Variants in NELL1 observed in about 807,000 individuals in gnomAD.
NELL1 encodes protein kinase C-binding protein NELL1.
In NELL1, 76 loss-of-function variants were observed where a neutral mutation model predicts 107.4. That is an observed-to-expected ratio of 0.71 (90% CI 0.59 to 0.86). NELL1 has a LOEUF of 0.86. Ranked by LOEUF, NELL1 falls within the 40% of genes least tolerant of loss-of-function variation. The pLI is 0.00. For synonymous variants in NELL1, 353 were observed against 341.2 expected, an observed-to-expected ratio of 1.03 and a Z score of -0.38; for missense variants, 1,024 against 1,005.5, an observed-to-expected ratio of 1.02 and a Z score of -0.25.
At chr11:20,690,166 C>G (rs1202526632) in intron 2 of NELL1, among the ~76,000 whole-genome samples, 1 of 141,938 alleles carries the variant, frequency 7.0e-6, no homozygotes. Flanking sequence ...GAGTTCATTG[C>G]AGATTCTGGA....
chr11:21,445,697 C>T (rs1853408899), intron 15 of NELL1, among the ~76,000 whole-genome samples: 1 of 152,166 alleles, frequency 6.6e-6, no homozygotes, highest in African/African-American at 2.4e-5. Context: ...TTCTTTCAGA[C>T]TGAAGTACTC....
At chr11:21,099,498 C>T (rs1021914674) in intron 12 of NELL1, among the ~76,000 whole-genome samples, 21 of 152,126 alleles carry the variant, frequency 1.4e-4, no homozygotes, top group African/African-American at 3.1e-4. Context: ...CTTGAGGAGA[C>T]GCTGGCTTTC....
At chr11:21,542,074 A>G (rs989204212) in intron 16 of NELL1, among the ~76,000 whole-genome samples, 3 of 152,088 alleles carry the variant, frequency 2.0e-5, no homozygotes, top group African/African-American at 7.2e-5. Flanking sequence ...AATAGATGTT[A>G]TTTTCATTAA....
intron 13 of NELL1, among the ~76,000 whole-genome samples, chr11:21,204,472 G>A (rs757108598): frequency 3.3e-5 from 5 of 151,738 alleles, no homozygotes. Flanking sequence ...GGTCATTTAT[G>A]TTCTTCTCTA....
intron 2 of NELL1, among the ~76,000 whole-genome samples, chr11:20,701,276 T>C (rs1279963326): frequency 6.6e-6 from 1 of 152,188 alleles, no homozygotes; most frequent in East Asian, 1.9e-4. Flanking sequence ...TGAGCATTTT[T>C]TCATGTGTCT....
intron 14 of NELL1, among the ~76,000 whole-genome samples, chr11:21,310,995 G>C (rs756031446): frequency 2.0e-5 from 3 of 152,112 alleles, no homozygotes; most frequent in Non-Finnish European, 2.9e-5. Context: ...CAGACACCAA[G>C]CAAGTAACCC....
chr11:20,859,877 C>T lies in NELL1; in HGVS notation c.506+12124C>T, dbSNP rs535839803. On this transcript the variant is annotated intron_variant, in intron 4 of 19. Transcript: ENST00000357134. ...ATTTTTCATGGACATTAGGTTGATA[C>T]ATAATGACTTAACACTGCAAACCTG... Among the ~76,000 whole-genome samples the T allele has an allele frequency of 3.3e-5, 5 of 152,306 alleles. No individual in the cohort carries two copies. In the South Asian group the frequency reaches 1.0e-3, roughly 32 times the overall value.
chr11:21,280,312 A>G (rs1167585875), intron 14 of NELL1, among the ~76,000 whole-genome samples: 3 of 152,224 alleles, frequency 2.0e-5, no homozygotes, highest in Admixed American at 6.5e-5. Context: ...CGTTCCACCT[A>G]CATGGTCAAC....
chr11:21,113,782 G>A, intron 13 of NELL1, 68 bp downstream of exon 13: 2 of 1,502,066 alleles, frequency 1.3e-6, no homozygotes, highest in Non-Finnish European at 1.8e-6. Flanking sequence ...GTGTTATTAT[G>A]TTTAATTCCT....
chr11:20,803,412 G>A (rs571946180), intron 3 of NELL1, among the ~76,000 whole-genome samples: 33 of 152,160 alleles, frequency 2.2e-4, no homozygotes, highest in African/African-American at 7.2e-4. Context: ...CTCCTATTTC[G>A]TCTCTGATTT....
chr11:21,333,656 G>A (rs1476009252), intron 14 of NELL1, among the ~76,000 whole-genome samples: 1 of 151,978 alleles, frequency 6.6e-6, no homozygotes, highest in Non-Finnish European at 1.5e-5. Flanking sequence ...TCAGCTCCTG[G>A]ACTTTGTAAA....
intron 12 of NELL1, among the ~76,000 whole-genome samples, chr11:21,083,384 G>T (rs1316067675): frequency 1.3e-5 from 2 of 152,162 alleles, no homozygotes. Flanking sequence ...TTTTATAAGA[G>T]CCTTACGGAA....
At chr11:21,328,730 G>T (rs1002538381) in intron 14 of NELL1, among the ~76,000 whole-genome samples, 4 of 152,198 alleles carry the variant, frequency 2.6e-5, no homozygotes, top group Admixed American at 2.0e-4. Context: ...AAGACTATGG[G>T]AGCCCACCTC....
intron 14 of NELL1, among the ~76,000 whole-genome samples, chr11:21,328,491 G>A (rs888353643): frequency 6.6e-6 from 1 of 152,154 alleles, no homozygotes; most frequent in Non-Finnish European, 1.5e-5. Flanking sequence ...CCTCTCCTAT[G>A]GCAGTGTGGA....
At chr11:20,745,765 T>G (rs1330481129) in intron 2 of NELL1, among the ~76,000 whole-genome samples, 2 of 152,072 alleles carry the variant, frequency 1.3e-5, no homozygotes, top group East Asian at 3.9e-4. Flanking sequence ...ATTTGAAGGG[T>G]GATTGATCTG....
At chr11:21,270,145 A>T (rs925954805) in intron 14 of NELL1, among the ~76,000 whole-genome samples, 1 of 152,128 alleles carries the variant, frequency 6.6e-6, no homozygotes, top group Non-Finnish European at 1.5e-5. Context: ...CTAAAATAGA[A>T]GCAAGGACAC....
intron 4 of NELL1, among the ~76,000 whole-genome samples, chr11:20,859,531 G>A (rs1848940238): frequency 6.6e-6 from 1 of 152,186 alleles, no homozygotes; most frequent in Non-Finnish European, 1.5e-5. Context: ...TTCTTCAAAT[G>A]TGGAGTAGAC....
At chr11:20,852,352 T>C (rs1198569225) in intron 4 of NELL1, among the ~76,000 whole-genome samples, 1 of 152,208 alleles carries the variant, frequency 6.6e-6, no homozygotes, top group African/African-American at 2.4e-5. Flanking sequence ...TTGAAAAGCA[T>C]GCAGAATCCA....
intron 15 of NELL1, among the ~76,000 whole-genome samples, chr11:21,427,695 C>A (rs180707995): frequency 5.7e-4 from 87 of 152,112 alleles, no homozygotes; most frequent in Non-Finnish European, 1.2e-3. Context: ...CATAGTGAGA[C>A]CCCATTCTCC....
Sources: gnomAD v4.1 joint callset for allele counts (sites outside exome capture counted in the v4.1 genomes callset) on GRCh38, gnomAD v4.1.1 for gene constraint, MANE v1.5 for transcripts, NCBI Gene and HGNC (gene_info 2026-07-23, HGNC 2026-07-21) for gene names.